The following ZCCHC4 variants were observed in gnomAD, a reference collection of about 807,000 sequenced individuals.
ZCCHC4 encodes the protein rRNA N(6)-adenosine-methyltransferase ZCCHC4.
In ZCCHC4, 54 loss-of-function variants were observed where a neutral mutation model predicts 67.7. That is an observed-to-expected ratio of 0.80 (90% CI 0.64 to 1.00). The LOEUF (loss-of-function observed/expected upper bound fraction) is 1.00, where lower values mean the gene tolerates loss of function less well. Ranked by LOEUF, ZCCHC4 falls within the 50% of genes least tolerant of loss-of-function variation. The pLI is 0.00. For synonymous variants in ZCCHC4, 198 were observed against 213.5 expected, an observed-to-expected ratio of 0.93 and a Z score of 0.63; for missense variants, 609 against 617.0, an observed-to-expected ratio of 0.99 and a Z score of 0.14.
rs549954449 is a variant in ZCCHC4, at chr4:25,331,441, A to T, written c.330-1742A>T. 2.6e-5 allele frequency among the ~76,000 whole-genome samples: 4 copies of T among 152,236 alleles called. No individual in the cohort carries two copies. In the East Asian group the frequency reaches 7.7e-4, roughly 29 times the overall value. On this transcript the variant is annotated intron_variant, in intron 3 of 12. Coordinates refer to ENST00000302874, the MANE Select transcript of ZCCHC4 (RefSeq NM_024936.3). Reference sequence around the variant, plus strand: ...TGCCTCTGCCTCCTAAGTAGCTGGGACTACAGGCACATACCACCACACCTG... The same window carrying T: ...TGCCTCTGCCTCCTAAGTAGCTGGGTCTACAGGCACATACCACCACACCTG...
rs751569007 is a variant in ZCCHC4, at chr4:25,312,799, G to A, written c.-11G>A. ...GTTTCGTACTGAGGCTTTCGGGACGGCGGCGGGAAGATGGCGGCCTCCAGG... is the reference window on the plus strand; with the variant it reads ...GTTTCGTACTGAGGCTTTCGGGACGACGGCGGGAAGATGGCGGCCTCCAGG... On this transcript the variant is annotated 5_prime_UTR_variant, in exon 1 of 13. Transcript: ENST00000302874. 132 of 1,612,958 alleles carry A rather than the reference G, an allele frequency of 8.2e-5. No homozygotes were observed. Among genetic ancestry groups the A allele is most frequent in the Non-Finnish European group, 1.1e-4 (124 of 1,179,942 alleles).
intron 12 of ZCCHC4, chr4:25,366,107 G>A (rs920504016): frequency 2.0e-6 from 2 of 976,236 alleles, no homozygotes; most frequent in Non-Finnish European, 1.2e-6. Context: ...ATTATTTATG[G>A]TAATATTAGA....
At chr4:25,318,200 C>T (rs989233867) in intron 3 of ZCCHC4, among the ~76,000 whole-genome samples, 2 of 152,066 alleles carry the variant, frequency 1.3e-5, no homozygotes, top group Non-Finnish European at 2.9e-5. Context: ...CTGTCCTTAA[C>T]ACTTTTATCT....
In ZCCHC4 at chr4:25,315,356, C is replaced by A. The variant is rs1350115181; in HGVS notation, c.285C>A (p.Asn95Lys). 3 of 1,613,106 alleles carry A rather than the reference C, an allele frequency of 1.9e-6. No homozygotes were observed. The East Asian group carries it at 6.7e-5, about 36-fold the overall frequency. ...GARLAAREAH[N>K]RRCQPPLSRT... The stretch of plus-strand genomic sequence containing the variant: ...GACTTGCTGCCCGAGAAGCTCATAA[C>A]CGAAGATGTCAGCCTCCCCTGTCCC... The change falls in exon 3 of 13, where the codon AAC (asparagine) becomes AAA (lysine). Residue 95 changes from asparagine (N) to lysine (K), a missense_variant. Physicochemically the swap from Asn to Lys is moderately conservative, Grantham distance 94. Transcript: ENST00000302874.
chr4:25,352,858 A>C (rs1311511259), intron 8 of ZCCHC4, among the ~76,000 whole-genome samples: 1 of 152,254 alleles, frequency 6.6e-6, no homozygotes, highest in Non-Finnish European at 1.5e-5. Context: ...TCCTGAAGGC[A>C]TATACCATTA....
chr4:25,329,279 T>C (rs1220534705), intron 3 of ZCCHC4, among the ~76,000 whole-genome samples: 1 of 152,158 alleles, frequency 6.6e-6, no homozygotes, highest in African/African-American at 2.4e-5. Flanking sequence ...GCTTCCTGGA[T>C]CTTTTGATGT....
intron 8 of ZCCHC4, among the ~76,000 whole-genome samples, chr4:25,354,362 A>G (rs1321013500): frequency 6.6e-6 from 1 of 152,206 alleles, no homozygotes; most frequent in Non-Finnish European, 1.5e-5. Flanking sequence ...ATTAGGTCAT[A>G]TGTGTCTGAC....
At chr4:25,326,193 A>G (rs948854432) in intron 3 of ZCCHC4, among the ~76,000 whole-genome samples, 1 of 152,174 alleles carries the variant, frequency 6.6e-6, no homozygotes, top group African/African-American at 2.4e-5. Context: ...AGCGTCTGGG[A>G]CCACCTGCAT....
chr4:25,331,452 A>T (rs1056118248), intron 3 of ZCCHC4, among the ~76,000 whole-genome samples: 3 of 152,014 alleles, frequency 2.0e-5, no homozygotes, highest in Non-Finnish European at 4.4e-5. Context: ...CTACAGGCAC[A>T]TACCACCACA....
At chr4:25,329,440 C>T (rs573967511) in intron 3 of ZCCHC4, among the ~76,000 whole-genome samples, 107 of 151,342 alleles carry the variant, frequency 7.1e-4, no homozygotes, top group Non-Finnish European at 1.3e-3. Context: ...TCGCTTTAGC[C>T]CCTGAACTAC....
intron 10 of ZCCHC4, among the ~76,000 whole-genome samples, chr4:25,362,850 A>G (rs966293740): frequency 6.6e-6 from 1 of 152,126 alleles, no homozygotes; most frequent in African/African-American, 2.4e-5. Flanking sequence ...TTTTCTTAAT[A>G]GACTTGGTTC....
intron 3 of ZCCHC4, among the ~76,000 whole-genome samples, chr4:25,322,204 C>G (rs1718618484): frequency 6.6e-6 from 1 of 152,146 alleles, no homozygotes; most frequent in Non-Finnish European, 1.5e-5. Context: ...GGGTCTTGCT[C>G]TCTCACCCAG....
At position 25,369,174 on chromosome 4, in the gene ZCCHC4, G is replaced by A. The variant is rs773382969; in HGVS notation, c.*10G>A. The stretch of plus-strand genomic sequence containing the variant: ...ATATCTTGGCTCTTAAATGTCCAGT[G>A]ACTGGAGAATAAGAAAGATTTATGG... On this transcript the variant is annotated 3_prime_UTR_variant, in exon 13 of 13. Transcript: ENST00000302874. 5 of 1,607,600 alleles carry A rather than the reference G, an allele frequency of 3.1e-6. No homozygotes were observed. Among genetic ancestry groups the A allele is most frequent in the Admixed American group, 1.7e-5 (1 of 58,044 alleles).
At chr4:25,323,820 C>T (rs933230964) in intron 3 of ZCCHC4, among the ~76,000 whole-genome samples, 7 of 151,966 alleles carry the variant, frequency 4.6e-5, no homozygotes, top group African/African-American at 9.7e-5. Flanking sequence ...TACATCTGCC[C>T]GTGAAATCAT....
intron 5 of ZCCHC4, among the ~76,000 whole-genome samples, chr4:25,340,446 TTC>T (rs75141924): frequency 0.077 from 11,716 of 152,226 alleles, 504 homozygotes; most frequent in South Asian, 0.11. Flanking sequence ...TCCTATTTTG[TTC>T]TTTTTCAAGA....
chr4:25,317,117 C>T (rs1424058233), intron 3 of ZCCHC4, among the ~76,000 whole-genome samples: 1 of 152,194 alleles, frequency 6.6e-6, no homozygotes, highest in Non-Finnish European at 1.5e-5. Context: ...TAAAAAGCCT[C>T]TTGTCTAGGT....
At chr4:25,325,627 A>G (rs1323494001) in intron 3 of ZCCHC4, among the ~76,000 whole-genome samples, 4 of 152,094 alleles carry the variant, frequency 2.6e-5, no homozygotes, top group Non-Finnish European at 5.9e-5. Flanking sequence ...AGTTCAATTT[A>G]TTTTTTGTCA....
rs575565803 is a variant in ZCCHC4 at position 25,328,232 on chromosome 4, G to T, written c.330-4951G>T. 3.9e-5 allele frequency among the ~76,000 whole-genome samples: 6 copies of T among 152,170 alleles called. No individual in the cohort carries two copies. In the East Asian group the frequency reaches 9.7e-4, roughly 24 times the overall value. ...TTTTTATCTTTATCTCTGTTCGTCTGTACAGAATCTATCTTTTTTTTTTCC... is the reference window on the plus strand; with the variant it reads ...TTTTTATCTTTATCTCTGTTCGTCTTTACAGAATCTATCTTTTTTTTTTCC... On this transcript the variant is annotated intron_variant, in intron 3 of 12. Coordinates refer to ENST00000302874, the MANE Select transcript of ZCCHC4 (RefSeq NM_024936.3).
At position 25,348,300 on chromosome 4, in the gene ZCCHC4, C is replaced by T. The variant is rs75983594; in HGVS notation, c.760-1192C>T. Among the ~76,000 whole-genome samples, 1,034 of 152,134 alleles carry T rather than the reference C, an allele frequency of 6.8e-3. 10 individuals carry two copies. The highest frequency in any genetic ancestry group is 0.023 in the African/African-American group (969 of 41,488). Reference sequence around the variant, plus strand: ...AGTGGGATCTTCTAAATTGATTTCGCGGTAGAACAAAATATATTTTATTAT... The same window carrying T: ...AGTGGGATCTTCTAAATTGATTTCGTGGTAGAACAAAATATATTTTATTAT... On this transcript the variant is annotated intron_variant, in intron 6 of 12. Transcript: ENST00000302874.
Sources: gnomAD v4.1 joint callset for allele counts (sites outside exome capture counted in the v4.1 genomes callset) on GRCh38, gnomAD v4.1.1 for gene constraint, MANE v1.5 for transcripts, NCBI Gene and HGNC (gene_info 2026-07-23, HGNC 2026-07-21) for gene names.